PLD5: variants seen among roughly 807,000 people sequenced by gnomAD.
PLD5 encodes the protein inactive phospholipase D5.
In PLD5, 36 loss-of-function variants were observed where a neutral mutation model predicts 61.1. The observed-to-expected ratio is 0.59, with a 90% CI of 0.45 to 0.78. The LOEUF (loss-of-function observed/expected upper bound fraction) is 0.78, where lower values mean the gene tolerates loss of function less well. Among genes scored for constraint, PLD5 ranks in the 30% least tolerant of loss-of-function variants. The probability of loss-of-function intolerance (pLI) is 0.00; values close to 1 mark genes in which losing one functional copy is unlikely to be tolerated. For missense variants in PLD5, 515 were observed against 644.4 expected, an observed-to-expected ratio of 0.80 and a Z score of 2.17; for synonymous variants, 243 against 242.8, an observed-to-expected ratio of 1.00 and a Z score of -0.01.
At chr1:242,112,283 CTGTGTG>C (rs748175841) in intron 7 of PLD5, among the ~76,000 whole-genome samples, 142 of 119,754 alleles carry the variant, frequency 1.2e-3, no homozygotes, top group Admixed American at 2.7e-3. Flanking sequence ...AAAGGATGCA[CTGTGTG>C]TGTGTGTGTG....
intron 1 of PLD5, among the ~76,000 whole-genome samples, chr1:242,387,911 CTTGT>C (rs1487278306): frequency 6.6e-6 from 1 of 151,938 alleles, no homozygotes; most frequent in Non-Finnish European, 1.5e-5. Flanking sequence ...AAGGTTTGGT[CTTGT>C]TTGCTAGGTT....
intron 1 of PLD5, among the ~76,000 whole-genome samples, chr1:242,382,325 T>A (rs1384602369): frequency 6.6e-6 from 1 of 151,900 alleles, no homozygotes; most frequent in African/African-American, 2.4e-5. Flanking sequence ...AAAGAGATCA[T>A]CAAGGGAAAG....
intron 1 of PLD5, among the ~76,000 whole-genome samples, chr1:242,517,802 G>A (rs1256182729): frequency 6.6e-6 from 1 of 152,092 alleles, no homozygotes; most frequent in East Asian, 1.9e-4. Flanking sequence ...AGTGCTTGTT[G>A]AATTAAAGAC....
intron 5 of PLD5, among the ~76,000 whole-genome samples, chr1:242,207,768 A>ATTTATATATATT (rs1669428442): frequency 1.2e-5 from 1 of 85,474 alleles, no homozygotes; most frequent in Non-Finnish European, 2.0e-5. Flanking sequence ...TTATATTTAT[A>ATTTATATATATT]TATATTTATA....
At chr1:242,306,000 C>T (rs1164278949) in intron 2 of PLD5, among the ~76,000 whole-genome samples, 1 of 152,150 alleles carries the variant, frequency 6.6e-6, no homozygotes, top group African/African-American at 2.4e-5. Flanking sequence ...GGACCCGCCA[C>T]CTGGACCCAG....
rs879172153 is a variant in PLD5, at chr1:242,502,759, T to G, written c.189+21329A>C. Among the ~76,000 whole-genome samples the G allele has an allele frequency of 3.7e-4, 56 of 152,208 alleles. 1 individual carries two copies. The highest frequency in any genetic ancestry group is 1.3e-3 in the African/African-American group (55 of 41,540). ...TAAGATGGAGAAGATAGAAAGAAGT[T>G]GTAAAACAGAGTCCTGTGGGGCCGG... On this transcript the variant is annotated intron_variant, in intron 1 of 9. Transcript: ENST00000536534.
At chr1:242,164,421 C>T (rs1028909685) in intron 5 of PLD5, among the ~76,000 whole-genome samples, 2 of 151,284 alleles carry the variant, frequency 1.3e-5, no homozygotes, top group African/African-American at 4.9e-5. Context: ...AAAAAATCTC[C>T]AGTATTGTTC....
At chr1:242,240,791 T>C (rs1671951102) in intron 4 of PLD5, among the ~76,000 whole-genome samples, 1 of 152,180 alleles carries the variant, frequency 6.6e-6, no homozygotes, top group South Asian at 2.1e-4. Context: ...TAGTCGTATG[T>C]GACAAAGGAA....
At chr1:242,166,486 A>C (rs1166267847) in intron 5 of PLD5, among the ~76,000 whole-genome samples, 2 of 151,926 alleles carry the variant, frequency 1.3e-5, no homozygotes, top group African/African-American at 2.4e-5. Context: ...ATGTACACAC[A>C]TACACCCTGA....
rs1212507439 is a variant in PLD5, at chr1:242,328,287, ATG to A, written c.326+19817_326+19818del. On this transcript the variant is annotated intron_variant, in intron 2 of 9. Transcript: ENST00000536534. ...ATACACACACATATATATTATATAT[ATG>A]TATGTATGTTCTACATATATATGTT... 7.3e-5 allele frequency among the ~76,000 whole-genome samples: 11 copies of A among 151,632 alleles called. No individual in the cohort carries two copies. The East Asian group carries it at 1.2e-3, about 16-fold the overall frequency.
At chr1:242,132,056 C>G (rs1480356174) in intron 5 of PLD5, among the ~76,000 whole-genome samples, 1 of 151,716 alleles carries the variant, frequency 6.6e-6, no homozygotes, top group African/African-American at 2.4e-5. Context: ...GTCTTGAACT[C>G]ATGACCTCAG....
intron 2 of PLD5, among the ~76,000 whole-genome samples, chr1:242,337,663 T>TAC (rs1255547157): frequency 1.3e-5 from 2 of 152,174 alleles, no homozygotes; most frequent in Non-Finnish European, 2.9e-5. Flanking sequence ...AATCATATAA[T>TAC]ACCTCACTTT....
At chr1:242,107,618 C>T in intron 8 of PLD5, 53 bp downstream of exon 8, 2 of 1,479,648 alleles carry the variant, frequency 1.4e-6, no homozygotes, top group African/African-American at 2.8e-5. Context: ...CTTTCACACA[C>T]ATGCAGAGGG....
upstream of PLD5, among the ~76,000 whole-genome samples, chr1:242,527,205 A>G (rs563027039): frequency 3.0e-5 from 4 of 131,182 alleles, no homozygotes; most frequent in African/African-American, 1.2e-4. Flanking sequence ...ATCTCGGCTC[A>G]CTGCAATCCC....
intron 1 of PLD5, among the ~76,000 whole-genome samples, chr1:242,502,691 G>A (rs971402339): frequency 4.7e-5 from 7 of 149,024 alleles, no homozygotes; most frequent in Admixed American, 6.7e-5. Flanking sequence ...GTGTATGTGC[G>A]TGTGTGTGTG....
At chr1:242,344,971 A>C (rs1288588107) in intron 2 of PLD5, among the ~76,000 whole-genome samples, 4 of 152,296 alleles carry the variant, frequency 2.6e-5, no homozygotes, top group South Asian at 2.1e-4. Flanking sequence ...AGAAGCAAAA[A>C]CAGAAACTCC....
chr1:242,179,203 C>A (rs890554077), intron 5 of PLD5, among the ~76,000 whole-genome samples: 7 of 150,926 alleles, frequency 4.6e-5, no homozygotes, highest in African/African-American at 1.7e-4. Flanking sequence ...CAAAACATTC[C>A]AAACCCTAGG....
intron 5 of PLD5, among the ~76,000 whole-genome samples, chr1:242,139,670 G>A (rs1460727123): frequency 6.6e-6 from 1 of 152,116 alleles, no homozygotes; most frequent in Non-Finnish European, 1.5e-5. Flanking sequence ...TAGCAATATC[G>A]GTCATGTGGC....
In PLD5 at chr1:242,232,004, T is replaced by C. The variant is rs553601869; in HGVS notation, c.608-11889A>G. ...ATGTAAGCAAAAATGACGAGACAGCTTAACTAAGATATTCAAAATCTAATT... is the reference window on the plus strand; with the variant it reads ...ATGTAAGCAAAAATGACGAGACAGCCTAACTAAGATATTCAAAATCTAATT... On this transcript the variant is annotated intron_variant, in intron 4 of 9. Transcript: ENST00000536534. 2.9e-4 allele frequency among the ~76,000 whole-genome samples: 44 copies of C among 150,034 alleles called. No homozygotes were observed. In the South Asian group the frequency reaches 8.4e-3, roughly 29 times the overall value.
Sources: allele counts gnomAD v4.1 joint callset (sites outside exome capture counted in the v4.1 genomes callset), GRCh38; gene constraint gnomAD v4.1.1; transcripts MANE v1.5; gene names NCBI Gene and HGNC (gene_info 2026-07-23, HGNC 2026-07-21).